The following LRRC4C variants were observed in gnomAD, a reference collection of about 807,000 sequenced individuals.
The protein encoded by LRRC4C is leucine-rich repeat-containing protein 4C.
Under a neutral mutation model 33.6 loss-of-function variants are expected in LRRC4C, and 5 were observed. That is an observed-to-expected ratio of 0.15 (90% CI 0.08 to 0.31). The LOEUF is 0.31. Ranked by LOEUF, LRRC4C falls within the 10% of genes least tolerant of loss-of-function variation. The pLI is 1.00. For synonymous variants in LRRC4C, 329 were observed against 302.0 expected (o/e 1.09, Z -0.93); for missense variants, 560 against 796.7 (o/e 0.70, Z 3.58).
At position 41,146,509 on chromosome 11, in the gene LRRC4C, T is replaced by C. The variant is rs73477437; in HGVS notation, c.-495-212786A>G. ...AGTAATCCTACCATTCTTTGATTCT[T>C]TACATTGTTTAGAAAAGCAAAAGTA... On this transcript the variant is annotated intron_variant, in intron 1 of 6. Coordinates refer to ENST00000528697, the MANE Select transcript of LRRC4C (RefSeq NM_001258419.2). Among the ~76,000 whole-genome samples, 492 of 152,338 alleles carry C rather than the reference T, an allele frequency of 3.2e-3. 1 individual carries two copies. The highest frequency in any genetic ancestry group is 0.011 in the African/African-American group (470 of 41,586).
chr11:41,109,311 CCTTCACTGT>C (rs764458177), intron 1 of LRRC4C, among the ~76,000 whole-genome samples: 2 of 151,956 alleles, frequency 1.3e-5, no homozygotes, highest in Non-Finnish European at 2.9e-5. Flanking sequence ...AGCTCTCATG[CCTTCACTGT>C]TTGTCTTTTA....
intron 4 of LRRC4C, among the ~76,000 whole-genome samples, chr11:40,272,787 G>A (rs1942805855): frequency 6.6e-6 from 1 of 151,394 alleles, no homozygotes; most frequent in Non-Finnish European, 1.5e-5. Flanking sequence ...AAAAGCATTA[G>A]TTAAATTATT....
At chr11:40,476,203 A>G (rs1165846794) in intron 3 of LRRC4C, among the ~76,000 whole-genome samples, 1 of 152,116 alleles carries the variant, frequency 6.6e-6, no homozygotes, top group Non-Finnish European at 1.5e-5. Flanking sequence ...GGGTGTACAC[A>G]TACATGCCAC....
intron 2 of LRRC4C, among the ~76,000 whole-genome samples, chr11:40,822,224 C>A (rs1951959759): frequency 6.6e-6 from 1 of 151,658 alleles, no homozygotes; most frequent in South Asian, 2.1e-4. Context: ...TTAGTTCCTA[C>A]ATGTGAATGA....
intron 3 of LRRC4C, among the ~76,000 whole-genome samples, chr11:40,569,734 A>C (rs1208794250): frequency 6.6e-6 from 1 of 152,148 alleles, no homozygotes; most frequent in Admixed American, 6.6e-5. Context: ...TATGAGTTCA[A>C]CATCTATACT....
intron 2 of LRRC4C, among the ~76,000 whole-genome samples, chr11:40,737,123 G>A (rs1947911618): frequency 6.6e-6 from 1 of 151,618 alleles, no homozygotes; most frequent in Non-Finnish European, 1.5e-5. Flanking sequence ...TGGTTTTTAT[G>A]GTTTATCTCA....
At chr11:40,915,355 T>C (rs952838962) in intron 2 of LRRC4C, among the ~76,000 whole-genome samples, 5 of 151,922 alleles carry the variant, frequency 3.3e-5, no homozygotes, top group Admixed American at 6.6e-5. Flanking sequence ...GAGATATAGA[T>C]CAATGGAAAA....
At chr11:41,205,231 A>G (rs1421789220) in intron 1 of LRRC4C, among the ~76,000 whole-genome samples, 1 of 152,212 alleles carries the variant, frequency 6.6e-6, no homozygotes, top group Non-Finnish European at 1.5e-5. Flanking sequence ...TATATAAACT[A>G]TGATGATGAG....
chr11:40,115,099 C>A lies in LRRC4C; in HGVS notation c.1194G>T (p.Ala398=). The A allele has an allele frequency of 6.2e-7, 1 of 1,614,138 alleles. No homozygotes were observed. Among genetic ancestry groups the A allele is most frequent in the Non-Finnish European group, 8.5e-7 (1 of 1,180,042 alleles). ...TPNGTVMTHG[A]YKVRIAVLSD... ...TGAGCACAGCTATCCGCACTTTGTA[C>A]GCCCCATGTGTCATGACTGTTCCAT... is the stretch of plus-strand genomic sequence containing the variant. Residue 398 remains alanine, a synonymous_variant, in exon 7 of 7, where the codon GCG becomes GCT. Transcript: ENST00000528697. This position sits in a 1 kb window ranked among gnomAD's most constrained non-coding sequence, Gnocchi z 6.7.
chr11:40,453,569 A>T (rs1435694149), intron 3 of LRRC4C, among the ~76,000 whole-genome samples: 3 of 150,630 alleles, frequency 2.0e-5, no homozygotes, highest in African/African-American at 7.3e-5. Context: ...ATCTCATTTT[A>T]TGATGCCAGT....
At chr11:40,623,212 A>C (rs944645404) in intron 3 of LRRC4C, among the ~76,000 whole-genome samples, 1 of 151,880 alleles carries the variant, frequency 6.6e-6, no homozygotes, top group Non-Finnish European at 1.5e-5. Flanking sequence ...TTCAGCTGAA[A>C]GAATATCTTG....
At chr11:41,078,273 A>C in intron 1 of LRRC4C, among the ~76,000 whole-genome samples, 1 of 151,960 alleles carries the variant, frequency 6.6e-6, no homozygotes, top group East Asian at 1.9e-4. Flanking sequence ...AGCCCTCCAA[A>C]CTGTTCCAAC....
intron 4 of LRRC4C, among the ~76,000 whole-genome samples, chr11:40,285,934 G>T (rs1215280077): frequency 1.2e-4 from 18 of 151,874 alleles, no homozygotes; most frequent in Admixed American, 1.2e-3. Context: ...AAATCACTTA[G>T]CCTCTTTGTG....
intron 2 of LRRC4C, among the ~76,000 whole-genome samples, chr11:40,855,834 G>C (rs1277749334): frequency 6.6e-6 from 1 of 151,826 alleles, no homozygotes; most frequent in African/African-American, 2.4e-5. Flanking sequence ...AAATGAATGA[G>C]AGAACCCCAA....
chr11:41,315,091 A>G (rs547817038), intron 1 of LRRC4C, among the ~76,000 whole-genome samples: 1 of 152,320 alleles, frequency 6.6e-6, no homozygotes, highest in South Asian at 2.1e-4. Context: ...TTCTAATAGG[A>G]AAAGAATAAT....
Position 40,297,446 on chromosome 11 carries a change from G to T in LRRC4C, c.-176+22182C>A, listed in dbSNP as rs539042907. On this transcript the variant is annotated intron_variant, in intron 4 of 6. Coordinates refer to ENST00000528697, the MANE Select transcript of LRRC4C (RefSeq NM_001258419.2). The stretch of plus-strand genomic sequence containing the variant: ...GAATTTAAAATTCAATACTCAGCAG[G>T]AGTTTACTAAACATGTTACATTAGA... 6.6e-5 allele frequency among the ~76,000 whole-genome samples: 10 copies of T among 152,118 alleles called. No homozygotes were observed. In the South Asian group the frequency reaches 2.1e-3, roughly 32 times the overall value.
intron 1 of LRRC4C, among the ~76,000 whole-genome samples, chr11:41,287,432 G>GT (rs1200419956): frequency 6.6e-6 from 1 of 151,992 alleles, no homozygotes; most frequent in Non-Finnish European, 1.5e-5. Context: ...ATTGCATTTT[G>GT]TTTTTTGCGT....
Position 41,335,469 on chromosome 11 carries a change from C to G in LRRC4C, c.-496+123962G>C, listed in dbSNP as rs568058500. 5.1e-4 allele frequency among the ~76,000 whole-genome samples: 78 copies of G among 152,220 alleles called. 1 individual carries two copies. The highest frequency in any genetic ancestry group is 1.4e-3 in the Admixed American group (21 of 15,282). On this transcript the variant is annotated intron_variant, in intron 1 of 6. Coordinates refer to ENST00000528697, the MANE Select transcript of LRRC4C (RefSeq NM_001258419.2). The stretch of plus-strand genomic sequence containing the variant: ...CCTGTCCATCTTTATTCTCTGCTTA[C>G]TGAGCTTTAATTTTTTTGTAACATT...
At chr11:40,238,282 C>T (rs115632801) in intron 5 of LRRC4C, among the ~76,000 whole-genome samples, 2 of 152,288 alleles carry the variant, frequency 1.3e-5, no homozygotes, top group African/African-American at 4.8e-5. Context: ...GCCACTGTTT[C>T]CTGACATGTT....
Sources: gnomAD v4.1 joint callset for allele counts (sites outside exome capture counted in the v4.1 genomes callset) on GRCh38, gnomAD v4.1.1 for gene constraint, Gnocchi (gnomAD v3.1) non-coding constraint, MANE v1.5 for transcripts, NCBI Gene and HGNC (gene_info 2026-07-23, HGNC 2026-07-21) for gene names.